FTO: variants seen among roughly 807,000 people sequenced by gnomAD.
FTO encodes the protein FTO alpha-ketoglutarate dependent dioxygenase.
FTO carries 47 observed loss-of-function variants against 63.9 expected under a neutral mutation model. The ratio of observed to expected loss-of-function variants is 0.74; its 90% CI spans 0.58 to 0.94. The LOEUF (loss-of-function observed/expected upper bound fraction) is 0.94. FTO is among the 40% of genes least tolerant of loss of function. The pLI is 0.00. For synonymous variants in FTO, 207 were observed against 224.4 expected, an observed-to-expected ratio of 0.92 and a Z score of 0.69; for missense variants, 562 against 618.1, an observed-to-expected ratio of 0.91 and a Z score of 0.96.
intron 5 of FTO, among the ~76,000 whole-genome samples, chr16:53,875,821 A>G (rs946922795): frequency 3.9e-5 from 6 of 152,208 alleles, no homozygotes; most frequent in Non-Finnish European, 8.8e-5. Flanking sequence ...GAGTATGTAC[A>G]GTGCAGAATA....
chr16:54,003,074 C>T, intron 8 of FTO, among the ~76,000 whole-genome samples: 1 of 152,176 alleles, frequency 6.6e-6, no homozygotes, highest in East Asian at 1.9e-4. Context: ...AATACCAACC[C>T]AAGATCCCCA....
At chr16:53,962,160 G>A (rs1331519830) in intron 8 of FTO, among the ~76,000 whole-genome samples, 1 of 152,126 alleles carries the variant, frequency 6.6e-6, no homozygotes, top group Non-Finnish European at 1.5e-5. Flanking sequence ...CTGTTTCTGT[G>A]GTAGATTGCA....
chr16:54,111,884 T>A lies in FTO; in HGVS notation c.1487T>A (p.Leu496His), dbSNP rs750897231. 96 of 1,614,068 alleles carry A rather than the reference T, an allele frequency of 5.9e-5. 2 individuals are homozygous for A. The South Asian group carries it at 8.9e-4, about 15-fold the overall frequency. ...GACCTCACAGACATCGTTTCAGAAC[T>A]CAGAGGTCAGCTTCTGGAAGCAAAA... ...PFDLTDIVSELRGQLLEAKP is the reference protein window; with the variant it reads ...PFDLTDIVSEHRGQLLEAKP The change falls in exon 9 of 9, where the codon CTC becomes CAC. Residue 496 changes from leucine (L) to histidine (H), a missense_variant. Physicochemically the swap from Leu to His is moderately conservative, Grantham distance 99 (BLOSUM62 -3). Coordinates refer to ENST00000471389, the MANE Select transcript of FTO (RefSeq NM_001080432.3).
intron 6 of FTO, 64 bp from the exon 7 acceptor site, chr16:53,888,768 T>G: frequency 6.3e-7 from 1 of 1,577,710 alleles, no homozygotes; most frequent in Non-Finnish European, 8.7e-7. Flanking sequence ...AGAGACGAAG[T>G]CATTGTCCTC....
At chr16:53,810,488 C>T (rs1170521792) in intron 2 of FTO, among the ~76,000 whole-genome samples, 1 of 152,148 alleles carries the variant, frequency 6.6e-6, no homozygotes, top group African/African-American at 2.4e-5. Flanking sequence ...TGCCTAGCTC[C>T]TCCTCCTTCC....
chr16:53,718,853 A>G (rs1209747776), intron 1 of FTO, among the ~76,000 whole-genome samples: 2 of 152,200 alleles, frequency 1.3e-5, no homozygotes, highest in Non-Finnish European at 2.9e-5. Context: ...ACATTTTAGT[A>G]TATTTCAATT....
intron 7 of FTO, among the ~76,000 whole-genome samples, chr16:53,903,037 G>T (rs1374713344): frequency 6.6e-6 from 1 of 152,148 alleles, no homozygotes; most frequent in Non-Finnish European, 1.5e-5. Flanking sequence ...TTGAGTCTAG[G>T]AGTTGGAGGT....
intron 6 of FTO, among the ~76,000 whole-genome samples, chr16:53,884,028 T>A (rs989855117): frequency 6.6e-6 from 1 of 152,226 alleles, no homozygotes; most frequent in Non-Finnish European, 1.5e-5. Context: ...AGGCCATGTG[T>A]CTTTTCTGGA....
chr16:53,831,895 G>T lies in FTO; in HGVS notation c.751+5404G>T, dbSNP rs1372341646. On this transcript the variant is annotated intron_variant, in intron 3 of 8. Transcript: ENST00000471389. The stretch of plus-strand genomic sequence containing the variant: ...AATGAAGACAAAGGGACAAGTAAAT[G>T]GGTGGCAGAAGGTAGGGCTTTGTCA... 2.0e-5 allele frequency among the ~76,000 whole-genome samples: 3 copies of T among 152,192 alleles called. No homozygotes were observed. In the East Asian group the frequency reaches 5.8e-4, roughly 29 times the overall value.
intron 8 of FTO, among the ~76,000 whole-genome samples, chr16:54,074,196 G>T (rs1207857): frequency 1 from 152,293 of 152,294 alleles, 76,146 homozygotes; most frequent in Non-Finnish European, 1. Context: ...TATATCTAAG[G>T]TTACTTTTCC....
intron 8 of FTO, among the ~76,000 whole-genome samples, chr16:53,965,081 T>C (rs1040481662): frequency 2.0e-5 from 3 of 152,056 alleles, no homozygotes; most frequent in Non-Finnish European, 2.9e-5. Flanking sequence ...CCCCCGCCCT[T>C]TTTTTGTTTT....
intron 4 of FTO, among the ~76,000 whole-genome samples, chr16:53,871,989 A>G (rs932948155): frequency 1.3e-5 from 2 of 152,124 alleles, no homozygotes; most frequent in Non-Finnish European, 2.9e-5. Context: ...GGCCTCCCAA[A>G]GTACTGAGAT....
intron 1 of FTO, among the ~76,000 whole-genome samples, chr16:53,790,601 G>GAAAAAAAAAAAAAAAAAAAAAA (rs2077888690): frequency 1.1e-5 from 1 of 93,676 alleles, no homozygotes; most frequent in African/African-American, 4.0e-5. Flanking sequence ...AAAAAAAAAA[G>GAAAAAAAAAAAAAAAAAAAAAA]GAGAAACAGA....
chr16:53,790,579 CAAAAAAAA>C (rs34860208), intron 1 of FTO, among the ~76,000 whole-genome samples: 2 of 55,224 alleles, frequency 3.6e-5, no homozygotes, highest in African/African-American at 1.5e-4. Context: ...CAAAATAAAG[CAAAAAAAA>C]AAAAAAAAAA....
chr16:53,885,148 G>A (rs2080965487), intron 6 of FTO, among the ~76,000 whole-genome samples: 1 of 152,172 alleles, frequency 6.6e-6, no homozygotes, highest in African/African-American at 2.4e-5. Flanking sequence ...TTTGCGTTCT[G>A]ACTCTTTGGT....
At chr16:53,928,341 T>C (rs936080533) in intron 7 of FTO, among the ~76,000 whole-genome samples, 1 of 152,148 alleles carries the variant, frequency 6.6e-6, no homozygotes, top group Admixed American at 6.6e-5. Flanking sequence ...GGAGAATGTG[T>C]TTTTGGTAAT....
chr16:53,855,544 C>T (rs1206060470), intron 4 of FTO, among the ~76,000 whole-genome samples: 6 of 147,216 alleles, frequency 4.1e-5, no homozygotes, highest in African/African-American at 1.5e-4. Context: ...CAAGAACTGG[C>T]TTTTTTTTTT....
intron 5 of FTO, 113 bp downstream of exon 5, chr16:53,873,978 C>T (rs905004917): frequency 5.1e-5 from 40 of 784,792 alleles, no homozygotes; most frequent in Non-Finnish European, 8.6e-5. Context: ...TTGCTTCCAT[C>T]TAACTTGACT....
intron 8 of FTO, among the ~76,000 whole-genome samples, chr16:54,039,018 G>A (rs2085009967): frequency 6.6e-6 from 1 of 152,174 alleles, no homozygotes; most frequent in Non-Finnish European, 1.5e-5. Context: ...GGCTTGTAGG[G>A]GCAGGAGCAA....
Sources: gnomAD v4.1 joint callset for allele counts (sites outside exome capture counted in the v4.1 genomes callset) on GRCh38, gnomAD v4.1.1 for gene constraint, MANE v1.5 for transcripts, NCBI Gene and HGNC (gene_info 2026-07-23, HGNC 2026-07-21) for gene names.